The following PSMA7 variants were observed in gnomAD, a reference collection of about 807,000 sequenced individuals.
The protein encoded by PSMA7 is proteasome 20S subunit alpha 7.
Under a neutral mutation model 31.3 loss-of-function variants are expected in PSMA7, and 5 were observed. The ratio of observed to expected loss-of-function variants is 0.16; its 90% CI spans 0.08 to 0.34. The LOEUF is 0.34. Ranked by LOEUF, PSMA7 falls within the 10% of genes least tolerant of loss-of-function variation. PSMA7 has a pLI of 1.00. For synonymous variants in PSMA7, 155 were observed against 121.9 expected (o/e 1.27, Z -1.79); for missense variants, 217 against 327.5 (o/e 0.66, Z 2.60).
chr20:62,140,172 A>G (rs908440732), intron 2 of PSMA7, among the ~76,000 whole-genome samples: 4 of 152,166 alleles, frequency 2.6e-5, no homozygotes, highest in African/African-American at 9.7e-5. Context: ...CTACCCCATA[A>G]ACCCATTGTA....
In PSMA7 at chr20:62,143,228, C is replaced by T. The variant is rs1180752666; in HGVS notation, c.76G>A (p.Val26Ile). 4 of 1,447,002 alleles carry T rather than the reference C, an allele frequency of 2.8e-6. No homozygotes were observed. Among genetic ancestry groups the T allele is most frequent in the Admixed American group, 2.2e-5 (1 of 46,464 alleles). 89.6% of individuals were successfully genotyped at this position (1,447,002 alleles called of 1,614,324 possible). The stretch of plus-strand genomic sequence containing the variant: ...CTCACCGCGGTCGAGCCCTTCTTGA[C>T]GGCCTCCTGCGCGTACTCCACTTGG... ...LFQVEYAQEA[V>I]KKGSTAVGVR... Residue 26 changes from valine to isoleucine, a missense_variant, in exon 1 of 7, where the codon GTC (valine) becomes ATC (isoleucine). This residue lies in a region of PSMA7 where 76 missense variants were observed against 96.5 expected (regional missense o/e 0.79). Transcript: ENST00000370873.
intron 3 of PSMA7, 114 bp downstream of exon 3, chr20:62,139,667 C>T (rs1230940526): frequency 6.5e-7 from 1 of 1,549,998 alleles, no homozygotes; most frequent in Non-Finnish European, 8.9e-7. Context: ...TAGGATCACG[C>T]CCCAGAATAA....
chr20:62,139,951 T>C, intron 2 of PSMA7, 46 bp from the exon 3 acceptor site: 1 of 1,599,890 alleles, frequency 6.3e-7, no homozygotes, highest in East Asian at 2.2e-5. Flanking sequence ...CAGCACAAAC[T>C]ACAGGGTGGG....
At chr20:62,142,150 T>G (rs957699569) in intron 1 of PSMA7, among the ~76,000 whole-genome samples, 12 of 152,118 alleles carry the variant, frequency 7.9e-5, no homozygotes, top group African/African-American at 2.4e-4. Context: ...ATCTGAAGTG[T>G]TTGGGTTTTC....
Position 62,140,951 on chromosome 20 carries a change from T to C in PSMA7, c.97-7A>G. On this transcript the variant is annotated splice_polypyrimidine_tract_variant and splice_region_variant and intron_variant, in intron 1 of 6. Coordinates refer to ENST00000370873, the MANE Select transcript of PSMA7 (RefSeq NM_002792.4). ...CTCTTCCTCGAACACCAACCTTTAATTAAGATCCACAAACCACGTAAGAAA... is the reference window on the plus strand; with the variant it reads ...CTCTTCCTCGAACACCAACCTTTAACTAAGATCCACAAACCACGTAAGAAA... The C allele has an allele frequency of 1.2e-6, 2 of 1,613,992 alleles. No individual in the cohort carries two copies. The highest frequency in any genetic ancestry group is 1.7e-6 in the Non-Finnish European group (2 of 1,179,988).
At position 62,143,318 on chromosome 20, in the gene PSMA7, G is replaced by A. The variant is rs2056952961; in HGVS notation, c.-15C>T. 2.2e-6 allele frequency: 3 copies of A among 1,384,402 alleles called. No homozygotes were observed. The highest frequency in any genetic ancestry group is 2.4e-5 in the Admixed American group (1 of 41,474). 85.8% of individuals were successfully genotyped at this position (1,384,402 alleles called of 1,614,324 possible). On this transcript the variant is annotated 5_prime_UTR_variant, in exon 1 of 7. Coordinates refer to ENST00000370873, the MANE Select transcript of PSMA7 (RefSeq NM_002792.4). Reference sequence around the variant, plus strand: ...TCGTAGCTCATGCCGGCGGGCGGCGGCCGGGCTCCTTCCGCCGCGACTCTC... The same window carrying A: ...TCGTAGCTCATGCCGGCGGGCGGCGACCGGGCTCCTTCCGCCGCGACTCTC...
At chr20:62,137,550 G>A in intron 5 of PSMA7, 124 bp from the exon 6 acceptor site, 1 of 907,826 alleles carries the variant, frequency 1.1e-6, no homozygotes, top group African/African-American at 1.7e-5. Context: ...AGAGGTCCCA[G>A]CCCCCAAAAC....
chr20:62,140,748 G>A, intron 2 of PSMA7, 70 bp downstream of exon 2: 5 of 1,562,636 alleles, frequency 3.2e-6, no homozygotes, highest in East Asian at 4.5e-5. Flanking sequence ...ACACACCCAA[G>A]TTAATCTCCA....
In PSMA7 at chr20:62,143,310, G is replaced by T; in HGVS notation, c.-7C>A. ...TGGCGCGGTCGTAGCTCATGCCGGC[G>T]GGCGGCGGCCGGGCTCCTTCCGCCG... On this transcript the variant is annotated 5_prime_UTR_variant, in exon 1 of 7. Transcript: ENST00000370873. The T allele has an allele frequency of 2.1e-6, 3 of 1,404,260 alleles. No individual in the cohort carries two copies. The highest frequency in any genetic ancestry group is 9.4e-7 in the Non-Finnish European group (1 of 1,064,236). The allele number at this position is 1,404,260 out of a possible 1,614,324, so 87.0% of individuals were successfully genotyped here. A position where few individuals can be genotyped will look rare whatever the true frequency, so the allele number is the denominator to read the frequency against.
chr20:62,137,221 G>T (rs764892150), intron 6 of PSMA7, 143 bp downstream of exon 6: 2 of 955,000 alleles, frequency 2.1e-6, no homozygotes, highest in African/African-American at 1.7e-5. Flanking sequence ...TCTCTTTGAC[G>T]TATGGGGAGC....
chr20:62,137,080 A>G, intron 6 of PSMA7, 131 bp from the exon 7 acceptor site: 1 of 1,294,490 alleles, frequency 7.7e-7, no homozygotes, highest in Non-Finnish European at 1.1e-6. Context: ...CCTCAAGAAA[A>G]ACAAGAGGAT....
At chr20:62,141,206 G>A (rs1160600197) in intron 1 of PSMA7, among the ~76,000 whole-genome samples, 2 of 152,342 alleles carry the variant, frequency 1.3e-5, no homozygotes, top group East Asian at 3.9e-4. Flanking sequence ...GGTGGAGGCT[G>A]CAGTGAGCCA....
In PSMA7 at chr20:62,137,407, T is replaced by C. The variant is rs2145662208; in HGVS notation, c.611A>G (p.Lys204Arg). 4 of 1,614,170 alleles carry C rather than the reference T, an allele frequency of 2.5e-6. No homozygotes were observed. In the East Asian group the frequency reaches 6.7e-5, roughly 27 times the overall value. The change falls in exon 6 of 7, where the codon AAA (lysine) becomes AGA (arginine). Residue 204 changes from lysine (K) to arginine (R), a missense_variant. Around this residue, in one of 3 missense-constraint regions of PSMA7, gnomAD observed 88 missense variants for 111.6 expected, o/e 0.79. Transcript: ENST00000370873. ...CCTCATGACAGCAAGTTCAATGTTT[T>C]TGCCACCTGACTGAACCACCTTGAA... Reference protein sequence around the residue: ...ALLEVVQSGGKNIELAVMRRD... With the variant: ...ALLEVVQSGGRNIELAVMRRD...
intron 4 of PSMA7, among the ~76,000 whole-genome samples, chr20:62,138,550 ATTT>A (rs59188263): frequency 0.048 from 6,001 of 126,310 alleles, 365 homozygotes; most frequent in African/African-American, 0.16. Flanking sequence ...GCAATGGGAG[ATTT>A]TTTTTTTTTT....
intron 1 of PSMA7, among the ~76,000 whole-genome samples, chr20:62,141,962 G>GC (rs2056931144): frequency 6.6e-6 from 1 of 152,260 alleles, no homozygotes; most frequent in Non-Finnish European, 1.5e-5. Context: ...GAGCACCTGG[G>GC]CAGGGGGATC....
Position 62,140,846 on chromosome 20 carries a change from C to T in PSMA7, c.195G>A (p.Leu65=). 6.2e-7 allele frequency: 1 copy of T among 1,614,236 alleles called. No individual in the cohort carries two copies. Among genetic ancestry groups the T allele is most frequent in the Non-Finnish European group, 8.5e-7 (1 of 1,180,042 alleles). ...DERTVRKICA[L]DDNVCMAFAG... is the part of the protein sequence containing the mutation. Reference sequence around the variant, plus strand: ...CAAAGGCCATGCAGACGTTGTCATCCAAAGCACAGATCTTCCGCACTGTTC... The same window carrying T: ...CAAAGGCCATGCAGACGTTGTCATCTAAAGCACAGATCTTCCGCACTGTTC... The change falls in exon 2 of 7, where the codon TTG becomes TTA. Residue 65 remains leucine, a synonymous_variant. Coordinates refer to ENST00000370873, the MANE Select transcript of PSMA7 (RefSeq NM_002792.4).
At position 62,143,177 on chromosome 20, in the gene PSMA7, C is replaced by T. The variant is rs763067729; in HGVS notation, c.96+31G>A. Reference sequence around the variant, plus strand: ...TCCCCAGCCCCACTTCCGCCCGCGTCCCCGGCCCCGCGCAGGCCCCGCCGC... The same window carrying T: ...TCCCCAGCCCCACTTCCGCCCGCGTTCCCGGCCCCGCGCAGGCCCCGCCGC... On this transcript the variant is annotated intron_variant, in intron 1 of 6. Coordinates refer to ENST00000370873, the MANE Select transcript of PSMA7 (RefSeq NM_002792.4). 2.2e-5 allele frequency: 30 copies of T among 1,337,068 alleles called. No individual in the cohort carries two copies. The Admixed American group carries it at 7.4e-4, about 33-fold the overall frequency. 82.8% of individuals were successfully genotyped at this position (1,337,068 alleles called of 1,614,324 possible).
At chr20:62,139,620 G>T in intron 3 of PSMA7, 161 bp downstream of exon 3, 1 of 1,152,902 alleles carries the variant, frequency 8.7e-7, no homozygotes, top group Admixed American at 1.9e-5. Flanking sequence ...ACTGAAATTG[G>T]TGAGCTAGGT....
In PSMA7 at chr20:62,138,304, G is replaced by A. The variant is rs376035451; in HGVS notation, c.472-14C>T. On this transcript the variant is annotated splice_polypyrimidine_tract_variant and intron_variant, in intron 4 of 6. Coordinates refer to ENST00000370873, the MANE Select transcript of PSMA7 (RefSeq NM_002792.4). Reference sequence around the variant, plus strand: ...TATGGCATTGGCCTAAAACAGACACGTATGTTCTCACGTGGCATAGGGCAT... The same window carrying A: ...TATGGCATTGGCCTAAAACAGACACATATGTTCTCACGTGGCATAGGGCAT... The A allele has an allele frequency of 3.5e-5, 56 of 1,593,422 alleles. No individual in the cohort carries two copies. Among genetic ancestry groups the A allele is most frequent in the East Asian group, 2.2e-4 (10 of 44,636 alleles).
Sources: allele counts gnomAD v4.1 joint callset (sites outside exome capture counted in the v4.1 genomes callset), GRCh38; gene constraint gnomAD v4.1.1; regional missense constraint gnomAD v4.1.1; transcripts MANE v1.5; gene names NCBI Gene and HGNC (gene_info 2026-07-23, HGNC 2026-07-21).